The following ARHGAP1 variants were observed in gnomAD, a reference collection of about 807,000 sequenced individuals.
The protein encoded by ARHGAP1 is Rho GTPase activating protein 1.
In ARHGAP1, 23 loss-of-function variants were observed where a neutral mutation model predicts 52.2. That is an observed-to-expected ratio of 0.44 (90% CI 0.32 to 0.62). ARHGAP1 has a LOEUF of 0.62. Among genes scored for constraint, ARHGAP1 ranks in the 20% least tolerant of loss-of-function variants. The pLI, the probability that ARHGAP1 is intolerant of heterozygous loss-of-function variation, is 0.05. For synonymous variants in ARHGAP1, 210 were observed against 228.4 expected (o/e 0.92, Z 0.73); for missense variants, 480 against 560.9 (o/e 0.86, Z 1.46).
chr11:46,681,481 AC>A lies in ARHGAP1; in HGVS notation c.450-103del. 1.2e-6 allele frequency: 1 copy of A among 844,844 alleles called. No homozygotes were observed. The highest frequency in any genetic ancestry group is 2.0e-6 in the Non-Finnish European group (1 of 500,152). The allele number at this position is 844,844 out of a possible 1,614,324, so 52.3% of individuals were successfully genotyped here. A position where few individuals can be genotyped will look rare whatever the true frequency, so the allele number is the denominator to read the frequency against. On this transcript the variant is annotated intron_variant, in intron 5 of 12. Coordinates refer to ENST00000311956, the MANE Select transcript of ARHGAP1 (RefSeq NM_004308.5). This position sits in a 1 kb window ranked among gnomAD's most constrained non-coding sequence, Gnocchi z 5.7. Reference sequence around the variant, plus strand: ...TTTTTTTTGAGACAGAGTCTCCTTCACCCAGGCTGGAGTGTGATCTCAGCTC... The same window carrying A: ...TTTTTTTTGAGACAGAGTCTCCTTCACCAGGCTGGAGTGTGATCTCAGCTC...
Position 46,682,056 on chromosome 11 carries a change from G to A in ARHGAP1, c.444C>T (p.Asp148=). 1 of 1,614,048 alleles carries A rather than the reference G, an allele frequency of 6.2e-7. No homozygotes were observed. The highest frequency in any genetic ancestry group is 1.1e-5 in the South Asian group (1 of 91,084). ...GGCCCCATGCCCCAACCCACTTGCG[G>A]TCAAACTCCCGGTAGGCATCACGGA... ...SWLRDAYREF[D]RKYKKNIKAL... The change falls in exon 5 of 13, where the codon GAC becomes GAT. Residue 148 remains aspartate (D), a synonymous_variant. Transcript: ENST00000311956.
rs1437718142 is a variant in ARHGAP1 at position 46,694,843 on chromosome 11, G to T, written c.229+817C>A. Among the ~76,000 whole-genome samples the T allele has an allele frequency of 2.0e-5, 3 of 152,284 alleles. No individual in the cohort carries two copies. In the East Asian group the frequency reaches 5.8e-4, roughly 29 times the overall value. ...ACTGCCCCCTCCCTTTCCAAGCCCAGCACCCCCATAGCCAGACAGGCTTCT... is the reference window on the plus strand; with the variant it reads ...ACTGCCCCCTCCCTTTCCAAGCCCATCACCCCCATAGCCAGACAGGCTTCT... On this transcript the variant is annotated intron_variant, in intron 3 of 12. Transcript: ENST00000311956.
chr11:46,693,904 TCCAGAGAG>T lies in ARHGAP1; in HGVS notation c.229+1748_229+1755del, dbSNP rs947285273. 2.1e-4 allele frequency among the ~76,000 whole-genome samples: 32 copies of T among 152,230 alleles called. No individual in the cohort carries two copies. In the East Asian group the frequency reaches 2.7e-3, roughly 13 times the overall value. ...ACAAATCATGGCCTTTTTCCCCCTC[TCCAGAGAG>T]CCATTTACCAGCACACCACTGGAAA... On this transcript the variant is annotated intron_variant, in intron 3 of 12. Transcript: ENST00000311956.
At chr11:46,686,202 T>C (rs928756334) in intron 4 of ARHGAP1, among the ~76,000 whole-genome samples, 2 of 151,266 alleles carry the variant, frequency 1.3e-5, no homozygotes, top group Admixed American at 6.6e-5. Context: ...GTCAGGCTGG[T>C]CTCGAACTGC....
intron 4 of ARHGAP1, 53 bp from the exon 5 acceptor site, chr11:46,682,235 C>T (rs913580566): frequency 6.9e-6 from 11 of 1,600,896 alleles, no homozygotes; most frequent in Admixed American, 5.0e-5. Flanking sequence ...GGCGGCCCCA[C>T]GAAGACAGAA....
Position 46,678,012 on chromosome 11 carries a change from C to G in ARHGAP1, c.*1025G>C. On this transcript the variant is annotated 3_prime_UTR_variant, in exon 13 of 13. Transcript: ENST00000311956. Reference sequence around the variant, plus strand: ...GGGGAAATTGCTAGAACCCACCTATCTGGACTGACCTATCAGCACAATCTC... The same window carrying G: ...GGGGAAATTGCTAGAACCCACCTATGTGGACTGACCTATCAGCACAATCTC... 1 of 420,564 alleles carries G rather than the reference C, an allele frequency of 2.4e-6. No individual in the cohort carries two copies. Among genetic ancestry groups the G allele is most frequent in the South Asian group, 1.7e-5 (1 of 59,444 alleles). The allele number at this position is 420,564 out of a possible 1,614,324, so 26.1% of individuals were successfully genotyped here. A position where few individuals can be genotyped will look rare whatever the true frequency, so the allele number is the denominator to read the frequency against.
In ARHGAP1 at chr11:46,680,777, C is replaced by G; in HGVS notation, c.636-30G>C. On this transcript the variant is annotated intron_variant, in intron 7 of 12. Transcript: ENST00000311956. The surrounding 1 kb of genome is among the most constrained non-coding windows in gnomAD (Gnocchi z 5.9). ...AGGAGTAGAGGGAGGTGGGTCAGGT[C>G]CTGCCTGGCTCTGGAGTCACTCTGC... is the stretch of plus-strand genomic sequence containing the variant. The G allele has an allele frequency of 6.8e-7, 1 of 1,478,382 alleles. No individual in the cohort carries two copies. The highest frequency in any genetic ancestry group is 9.1e-7 in the Non-Finnish European group (1 of 1,100,402). The allele number at this position is 1,478,382 out of a possible 1,614,324, so 91.6% of individuals were successfully genotyped here. A position where few individuals can be genotyped will look rare whatever the true frequency, so the allele number is the denominator to read the frequency against.
At chr11:46,684,908 T>C (rs1049094788) in intron 4 of ARHGAP1, among the ~76,000 whole-genome samples, 1 of 151,736 alleles carries the variant, frequency 6.6e-6, no homozygotes, top group South Asian at 2.1e-4. Flanking sequence ...GCCAACATGA[T>C]GAAACCCTCT....
chr11:46,682,073 C>T lies in ARHGAP1; in HGVS notation c.427G>A (p.Ala143Thr). Residue 143 changes from alanine (A) to threonine (T), a missense_variant, in exon 5 of 13, where the codon GCC (alanine) becomes ACC (threonine). Coordinates refer to ENST00000311956, the MANE Select transcript of ARHGAP1 (RefSeq NM_004308.5). ...CACTTGCGGTCAAACTCCCGGTAGG[C>T]ATCACGGAGCCAGCTGAGGGAGGGC... ...NKPSLSWLRD[A>T]YREFDRKYKK... The T allele has an allele frequency of 1.2e-6, 2 of 1,614,134 alleles. No homozygotes were observed. The highest frequency in any genetic ancestry group is 1.7e-6 in the Non-Finnish European group (2 of 1,179,988).
rs765588008 is a variant in ARHGAP1, at chr11:46,680,719, T to C, written c.664A>G (p.Lys222Glu). The change falls in exon 8 of 13, where the codon AAG becomes GAG. Residue 222 changes from lysine (K) to glutamate (E), a missense_variant. By Grantham distance (56) the Lys-to-Glu change is moderately conservative. Transcript: ENST00000311956. The surrounding 1 kb of genome is among the most constrained non-coding windows in gnomAD (Gnocchi z 5.9). ...KYDDFLKSTQ[K>E]SPATAPKPMP... ...GGCTTGGGGGCTGTCGCGGGGCTCTTCTGTGTGGATTTCAGGAAGTCGTCA... is the reference window on the plus strand; with the variant it reads ...GGCTTGGGGGCTGTCGCGGGGCTCTCCTGTGTGGATTTCAGGAAGTCGTCA... 2.6e-5 allele frequency: 40 copies of C among 1,566,110 alleles called. No individual in the cohort carries two copies. The highest frequency in any genetic ancestry group is 3.0e-5 in the Non-Finnish European group (35 of 1,157,076).
chr11:46,697,370 C>G (rs2064664260), intron 1 of ARHGAP1: 1 of 152,176 alleles, frequency 6.6e-6, no homozygotes, highest in Non-Finnish European at 1.5e-5. Context: ...AGAGGCTGCT[C>G]CATGTCCAGC....
At chr11:46,690,572 C>A (rs2064605234) in intron 3 of ARHGAP1, among the ~76,000 whole-genome samples, 1 of 152,110 alleles carries the variant, frequency 6.6e-6, no homozygotes, top group Non-Finnish European at 1.5e-5. Context: ...TGATTGACTT[C>A]TGTAGGTTTC....
chr11:46,686,579 C>G (rs969854919), intron 4 of ARHGAP1, among the ~76,000 whole-genome samples: 1 of 152,150 alleles, frequency 6.6e-6, no homozygotes, highest in South Asian at 2.1e-4. Flanking sequence ...CCACGCCTGG[C>G]TAATCTTTTT....
intron 4 of ARHGAP1, among the ~76,000 whole-genome samples, chr11:46,685,075 G>A (rs562931328): frequency 1.5e-4 from 21 of 139,128 alleles, no homozygotes; most frequent in Non-Finnish European, 2.0e-4. Context: ...GTGACAGAGC[G>A]AGGCTCGGTC....
chr11:46,687,256 A>G (rs2134485965), intron 4 of ARHGAP1: 1 of 152,402 alleles, frequency 6.6e-6, no homozygotes, highest in East Asian at 1.9e-4. Flanking sequence ...GAGGGTTCAG[A>G]AGGCCAGAGA....
chr11:46,679,850 G>A lies in ARHGAP1; in HGVS notation c.899-74C>T, dbSNP rs2064510346. 5.0e-6 allele frequency: 8 copies of A among 1,593,714 alleles called. No homozygotes were observed. Among genetic ancestry groups the A allele is most frequent in the East Asian group, 2.2e-5 (1 of 44,708 alleles). The stretch of plus-strand genomic sequence containing the variant: ...CACCCATCTGCAGACAACGCGGGCC[G>A]CACTGCCTGACTGCCCCTGGACACT... On this transcript the variant is annotated intron_variant, in intron 10 of 12. Transcript: ENST00000311956. This position sits in a 1 kb window ranked among gnomAD's most constrained non-coding sequence, Gnocchi z 4.4.
chr11:46,678,651 G>T lies in ARHGAP1; in HGVS notation c.*386C>A. 4.7e-6 allele frequency: 1 copy of T among 214,950 alleles called. No homozygotes were observed. Among genetic ancestry groups the T allele is most frequent in the Non-Finnish European group, 9.4e-6 (1 of 106,250 alleles). The allele number at this position is 214,950 out of a possible 1,614,324, so 13.3% of individuals were successfully genotyped here. On this transcript the variant is annotated 3_prime_UTR_variant, in exon 13 of 13. Coordinates refer to ENST00000311956, the MANE Select transcript of ARHGAP1 (RefSeq NM_004308.5). ...TCAGCTGCTCATTCCCAGCAATCAA[G>T]AGGGGAGGACTGGCCCCTGCTACCA...
intron 4 of ARHGAP1, among the ~76,000 whole-genome samples, chr11:46,685,916 C>T (rs961858434): frequency 9.2e-5 from 14 of 151,690 alleles, no homozygotes; most frequent in African/African-American, 2.9e-4. Context: ...CCTCATGATC[C>T]ACCTGCCTCA....
chr11:46,680,240 TG>T lies in ARHGAP1; in HGVS notation c.862del (p.Gln288LysfsTer84). On this transcript the variant is annotated frameshift_variant, in exon 10 of 13. Transcript: ENST00000311956. LOFTEE classifies it high-confidence loss of function. The surrounding 1 kb of genome is among the most constrained non-coding windows in gnomAD (Gnocchi z 5.9). Reference protein sequence around the residue: ...EGIFRRSANTQVVREVQQKYN... With the variant: ...EGIFRRSANTXVVREVQQKYN... ...CTTCTGCTGCACTTCCCGGACCACT[TG>T]GGTGTTGGCCGACCTCCGGAAGATG... is the stretch of plus-strand genomic sequence containing the variant. 1 of 1,614,046 alleles carries T rather than the reference TG, an allele frequency of 6.2e-7. No individual in the cohort carries two copies. Among genetic ancestry groups the T allele is most frequent in the Non-Finnish European group, 8.5e-7 (1 of 1,179,996 alleles).
Sources: allele counts gnomAD v4.1 joint callset (sites outside exome capture counted in the v4.1 genomes callset), GRCh38; gene constraint gnomAD v4.1.1; non-coding constraint Gnocchi (gnomAD v3.1); transcripts MANE v1.5; gene names NCBI Gene and HGNC (gene_info 2026-07-23, HGNC 2026-07-21).